The following AFF3 variants were observed in gnomAD, a reference collection of about 807,000 sequenced individuals.
The protein encoded by AFF3 is AF4/FMR2 family member 3.
AFF3 carries 32 observed loss-of-function variants against 129.7 expected under a neutral mutation model. That is an observed-to-expected ratio of 0.25 (90% CI 0.19 to 0.33). The LOEUF is 0.33. Ranked by LOEUF, AFF3 falls within the 10% of genes least tolerant of loss-of-function variation. The pLI is 1.00. For missense variants in AFF3, 1,373 were observed against 1,592.0 expected, an observed-to-expected ratio of 0.86 and a Z score of 2.34; for synonymous variants, 644 against 635.4, an observed-to-expected ratio of 1.01 and a Z score of -0.20.
intron 4 of AFF3, among the ~76,000 whole-genome samples, chr2:100,080,825 G>T (rs1688987174): frequency 6.6e-6 from 1 of 152,084 alleles, no homozygotes; most frequent in South Asian, 2.1e-4. Flanking sequence ...GAAAAGGTTG[G>T]AACCAGAGGT....
chr2:99,826,987 G>A (rs750546935), intron 8 of AFF3, among the ~76,000 whole-genome samples: 1 of 152,016 alleles, frequency 6.6e-6, no homozygotes, highest in Non-Finnish European at 1.5e-5. Flanking sequence ...GGCTTGGTGA[G>A]GAACTGAACA....
At chr2:100,115,236 T>G (rs928164230) in intron 2 of AFF3, among the ~76,000 whole-genome samples, 2 of 152,164 alleles carry the variant, frequency 1.3e-5, no homozygotes, top group Non-Finnish European at 2.9e-5. Flanking sequence ...TTTGTAAGTT[T>G]CCATGCATGC....
intron 11 of AFF3, among the ~76,000 whole-genome samples, chr2:99,705,501 TG>T (rs573531680): frequency 3.3e-5 from 5 of 150,836 alleles, no homozygotes; most frequent in Admixed American, 3.3e-4. Flanking sequence ...AAGTTTAAGG[TG>T]AAAAAAAAAT....
At chr2:99,587,000 A>T (rs1678185773) in intron 16 of AFF3, among the ~76,000 whole-genome samples, 154 bp downstream of exon 16, 2 of 152,166 alleles carry the variant, frequency 1.3e-5, no homozygotes, top group Non-Finnish European at 2.9e-5. Context: ...ATGTGTAGCC[A>T]TAATAATAAG....
At chr2:100,015,572 T>C (rs1455657614) in intron 4 of AFF3, among the ~76,000 whole-genome samples, 1 of 152,236 alleles carries the variant, frequency 6.6e-6, no homozygotes, top group Non-Finnish European at 1.5e-5. Context: ...TGAGTCAAAC[T>C]AATTAACATC....
chr2:99,865,430 A>G (rs1023230723), intron 7 of AFF3, among the ~76,000 whole-genome samples: 2 of 152,224 alleles, frequency 1.3e-5, no homozygotes, highest in African/African-American at 2.4e-5. Flanking sequence ...TGGCTGTCAA[A>G]TTGCTTGGGT....
intron 7 of AFF3, among the ~76,000 whole-genome samples, chr2:99,936,534 C>T (rs1674542998): frequency 1.3e-5 from 2 of 152,134 alleles, no homozygotes; most frequent in Non-Finnish European, 1.5e-5. Flanking sequence ...GAGGAAATGC[C>T]GTTTGAGGCT....
Position 100,141,341 on chromosome 2 carries a change from C to T in AFF3, c.-228+1143G>A, listed in dbSNP as rs1299244843. 4.6e-5 allele frequency among the ~76,000 whole-genome samples: 7 copies of T among 152,340 alleles called. No individual in the cohort carries two copies. The East Asian group carries it at 1.2e-3, about 25-fold the overall frequency. On this transcript the variant is annotated intron_variant, in intron 1 of 24. Transcript: ENST00000672756. The stretch of plus-strand genomic sequence containing the variant: ...AAGGGAATAGCAGTTGACAGAAACA[C>T]AACCAAAACTAAGAATATTAAATGT...
chr2:100,006,581 T>C (rs1681986456), intron 7 of AFF3, 51 bp downstream of exon 7: 1 of 1,516,642 alleles, frequency 6.6e-7, no homozygotes, highest in African/African-American at 1.4e-5. Flanking sequence ...AGGGTCAAAT[T>C]GTCACTTGTA....
At chr2:99,592,394 C>T (rs553632584) in intron 15 of AFF3, among the ~76,000 whole-genome samples, 1 of 152,336 alleles carries the variant, frequency 6.6e-6, no homozygotes. Flanking sequence ...GGTTCTGATG[C>T]TGCATCAGGG....
intron 7 of AFF3, among the ~76,000 whole-genome samples, chr2:99,876,895 C>A (rs1483596347): frequency 6.6e-6 from 1 of 152,126 alleles, no homozygotes; most frequent in Non-Finnish European, 1.5e-5. Context: ...TCTAAGTCAT[C>A]CACAGGCTCT....
intron 8 of AFF3, among the ~76,000 whole-genome samples, chr2:99,816,020 T>C (rs72956188): frequency 2.0e-5 from 3 of 152,050 alleles, no homozygotes; most frequent in Non-Finnish European, 2.9e-5. Context: ...TATTATCCAA[T>C]AGGTCTTGGA....
intron 7 of AFF3, among the ~76,000 whole-genome samples, chr2:99,874,976 G>A (rs767542948): frequency 2.6e-5 from 4 of 152,094 alleles, no homozygotes; most frequent in Admixed American, 6.5e-5. Flanking sequence ...TGAACAAAGC[G>A]TACATAGGAA....
At chr2:99,695,492 C>A (rs1676122682) in intron 11 of AFF3, among the ~76,000 whole-genome samples, 1 of 152,132 alleles carries the variant, frequency 6.6e-6, no homozygotes, top group South Asian at 2.1e-4. Flanking sequence ...CTTGAAATAG[C>A]CTGGAAATGT....
At chr2:99,614,628 G>A (rs1453587694) in intron 13 of AFF3, among the ~76,000 whole-genome samples, 1 of 152,214 alleles carries the variant, frequency 6.6e-6, no homozygotes, top group South Asian at 2.1e-4. Flanking sequence ...TTAGAGGGGC[G>A]CTTTGGCTTG....
chr2:99,593,350 C>T lies in AFF3; in HGVS notation c.2311G>A (p.Asp771Asn), dbSNP rs1326789067. Reference protein sequence around the residue: ...DEIRSLWVKIDLTLLSRIPEH... With the variant: ...DEIRSLWVKINLTLLSRIPEH... ...GGGATCCTGGACAGGAGGGTCAGGT[C>T]GATTTTGACCCAGAGAGACCTGATC... is the stretch of plus-strand genomic sequence containing the variant. Residue 771 changes from aspartate (D) to asparagine (N), a missense_variant, in exon 15 of 25, where the codon GAC becomes AAC. Coordinates refer to ENST00000672756, the MANE Select transcript of AFF3 (RefSeq NM_001386135.1). 2 of 1,613,944 alleles carry T rather than the reference C, an allele frequency of 1.2e-6. No individual in the cohort carries two copies. Among genetic ancestry groups the T allele is most frequent in the Admixed American group, 3.3e-5 (2 of 60,010 alleles).
intron 13 of AFF3, among the ~76,000 whole-genome samples, chr2:99,635,510 C>A (rs1683570905): frequency 6.6e-6 from 1 of 152,128 alleles, no homozygotes; most frequent in Admixed American, 6.5e-5. Flanking sequence ...CCATGGCACC[C>A]AGGCTGGTCT....
intron 11 of AFF3, among the ~76,000 whole-genome samples, chr2:99,718,927 T>G (rs1332867037): frequency 2.0e-5 from 3 of 151,988 alleles, no homozygotes; most frequent in Non-Finnish European, 4.4e-5. Context: ...ATTTTTTGTA[T>G]TTTTAGTAGA....
intron 7 of AFF3, among the ~76,000 whole-genome samples, chr2:99,944,921 A>G (rs1675410952): frequency 6.6e-6 from 1 of 152,256 alleles, no homozygotes; most frequent in South Asian, 2.1e-4. Flanking sequence ...TTTAAAAAAC[A>G]GACTTAGAGA....
Sources: gnomAD v4.1 joint callset for allele counts (sites outside exome capture counted in the v4.1 genomes callset) on GRCh38, gnomAD v4.1.1 for gene constraint, MANE v1.5 for transcripts, NCBI Gene and HGNC (gene_info 2026-07-23, HGNC 2026-07-21) for gene names.